ACSS3: variants seen among roughly 807,000 people sequenced by gnomAD.
ACSS3 encodes acyl-CoA synthetase short chain family member 3, also known as acyl-CoA synthetase short-chain family member 3, mitochondrial.
A neutral mutation model predicts 84.2 loss-of-function variants in ACSS3; 64 were observed. That is an observed-to-expected ratio of 0.76 (90% CI 0.62 to 0.94). The LOEUF (loss-of-function observed/expected upper bound fraction) is 0.94, where lower values mean the gene tolerates loss of function less well. Ranked by LOEUF, ACSS3 falls within the 40% of genes least tolerant of loss-of-function variation. The pLI is 0.00. For synonymous variants in ACSS3, 317 were observed against 310.1 expected (o/e 1.02, Z -0.23); for missense variants, 815 against 867.6 (o/e 0.94, Z 0.76).
At chr12:81,185,591 A>G (rs2031211593) in intron 8 of ACSS3, among the ~76,000 whole-genome samples, 3 of 151,738 alleles carry the variant, frequency 2.0e-5, no homozygotes, top group African/African-American at 7.2e-5. Context: ...ATACAATAAC[A>G]TTGAAAAGAT....
intron 12 of ACSS3, among the ~76,000 whole-genome samples, chr12:81,231,429 G>T (rs373951115): frequency 6.6e-6 from 1 of 151,722 alleles, no homozygotes; most frequent in African/African-American, 2.4e-5. Context: ...ACATAAAAAT[G>T]TTTTTTGGAC....
chr12:81,226,113 A>C (rs1267818135), intron 11 of ACSS3, among the ~76,000 whole-genome samples: 1 of 151,848 alleles, frequency 6.6e-6, no homozygotes, highest in Non-Finnish European at 1.5e-5. Flanking sequence ...TGCTTTCCCC[A>C]CTCCATTGAA....
chr12:81,226,831 A>G (rs2033289268), intron 11 of ACSS3, among the ~76,000 whole-genome samples: 2 of 151,794 alleles, frequency 1.3e-5, no homozygotes. Context: ...AATTCATCAC[A>G]CCAGCTTTAG....
chr12:81,219,954 A>C, intron 10 of ACSS3, 59 bp from the exon 11 acceptor site: 1 of 1,187,318 alleles, frequency 8.4e-7, no homozygotes, highest in Non-Finnish European at 1.1e-6. Flanking sequence ...AAATATAGAA[A>C]AATGTTTAAG....
intron 5 of ACSS3, among the ~76,000 whole-genome samples, chr12:81,143,874 C>T (rs769056): frequency 0.87 from 132,241 of 152,174 alleles, 58,998 homozygotes; most frequent in Non-Finnish European, 0.97. Context: ...TTCATTGATG[C>T]GTCAAATAGC....
At chr12:81,178,051 C>T (rs914154167) in intron 8 of ACSS3, among the ~76,000 whole-genome samples, 1 of 152,128 alleles carries the variant, frequency 6.6e-6, no homozygotes, top group South Asian at 2.1e-4. Flanking sequence ...GTAGCAAAGA[C>T]TTGGAACCAA....
At chr12:81,165,625 A>G (rs973259171) in intron 7 of ACSS3, among the ~76,000 whole-genome samples, 1 of 151,718 alleles carries the variant, frequency 6.6e-6, no homozygotes, top group Non-Finnish European at 1.5e-5. Flanking sequence ...GCAGCCTGGC[A>G]ACAGAGCGAG....
At chr12:81,186,690 T>C (rs558668286) in intron 8 of ACSS3, among the ~76,000 whole-genome samples, 4 of 151,876 alleles carry the variant, frequency 2.6e-5, no homozygotes, top group Non-Finnish European at 3.0e-5. Context: ...ATGGCTATTA[T>C]CAAAAAGCAA....
At chr12:81,128,887 T>C (rs1346800874) in intron 2 of ACSS3, among the ~76,000 whole-genome samples, 1 of 152,196 alleles carries the variant, frequency 6.6e-6, no homozygotes, top group African/African-American at 2.4e-5. Context: ...ATACTTTATT[T>C]GAGTGATTAT....
At chr12:81,077,904 C>G, upstream of ACSS3, 1 of 509,780 alleles carries the variant, frequency 2.0e-6, no homozygotes. Flanking sequence ...TGCAACGGCG[C>G]TGTGACACCC....
intron 2 of ACSS3, among the ~76,000 whole-genome samples, chr12:81,129,399 C>T (rs1312393617): frequency 1.3e-5 from 2 of 152,100 alleles, no homozygotes. Context: ...AACCACTAGG[C>T]TGATCATCTG....
rs1313184139 is a variant in ACSS3, at chr12:81,261,112, C to A, written c.*6190C>A. 1 of 151,936 alleles carries A rather than the reference C, an allele frequency of 6.6e-6. No individual in the cohort carries two copies. The highest frequency in any genetic ancestry group is 2.4e-5 in the African/African-American group (1 of 41,346). The allele number at this position is 151,936 out of a possible 1,614,324, so 9.4% of individuals were successfully genotyped here. A position where few individuals can be genotyped will look rare whatever the true frequency, so the allele number is the denominator to read the frequency against. The stretch of plus-strand genomic sequence containing the variant: ...ATTCTTAAAGTAATTTTATTTTGTT[C>A]CTATATGTCTTAAATACTTAAAATT... On this transcript the variant is annotated 3_prime_UTR_variant, in exon 16 of 16. Transcript: ENST00000548058.
intron 5 of ACSS3, among the ~76,000 whole-genome samples, chr12:81,151,303 A>G (rs1886599204): frequency 6.6e-6 from 1 of 152,186 alleles, no homozygotes; most frequent in African/African-American, 2.4e-5. Flanking sequence ...TCTAGAGTTC[A>G]TAACTAAAGA....
At chr12:81,219,371 T>G (rs1002661142) in intron 10 of ACSS3, among the ~76,000 whole-genome samples, 7 of 152,142 alleles carry the variant, frequency 4.6e-5, no homozygotes, top group African/African-American at 1.4e-4. Flanking sequence ...TAGAATTACC[T>G]GGATGAATGA....
At chr12:81,253,279 T>C in intron 13 of ACSS3, 28 bp from the exon 14 acceptor site, 1 of 1,582,564 alleles carries the variant, frequency 6.3e-7, no homozygotes, top group Non-Finnish European at 8.7e-7. Context: ...ATAAATGTAT[T>C]CTAAATGAAT....
intron 9 of ACSS3, 54 bp downstream of exon 9, chr12:81,199,498 G>A: frequency 1.3e-6 from 2 of 1,559,374 alleles, no homozygotes; most frequent in African/African-American, 2.7e-5. Context: ...CCAAAAAGCT[G>A]CAAGGATTGG....
At chr12:81,250,380 G>A (rs1057350461) in intron 13 of ACSS3, among the ~76,000 whole-genome samples, 15 of 151,890 alleles carry the variant, frequency 9.9e-5, no homozygotes, top group South Asian at 4.1e-4. Context: ...ATGATTTTGC[G>A]TCTCATAATT....
intron 7 of ACSS3, among the ~76,000 whole-genome samples, chr12:81,171,371 T>G (rs964584012): frequency 6.6e-6 from 1 of 152,150 alleles, no homozygotes; most frequent in African/African-American, 2.4e-5. Context: ...ATTTCATAAT[T>G]GTTTTAATTG....
chr12:81,217,156 G>A (rs1037481666), intron 10 of ACSS3, among the ~76,000 whole-genome samples, 160 bp downstream of exon 10: 4 of 152,038 alleles, frequency 2.6e-5, no homozygotes, highest in Admixed American at 6.5e-5. Flanking sequence ...GCTATCAAAA[G>A]TATGTTGTGG....
Sources: gnomAD v4.1 joint callset for allele counts (sites outside exome capture counted in the v4.1 genomes callset) on GRCh38, gnomAD v4.1.1 for gene constraint, MANE v1.5 for transcripts, NCBI Gene and HGNC (gene_info 2026-07-23, HGNC 2026-07-21) for gene names.